Variants in PEX5 observed in about 807,000 individuals in gnomAD.
PEX5 encodes PTS1 receptor.
A neutral mutation model predicts 82.9 loss-of-function variants in PEX5; 52 were observed. The observed-to-expected ratio is 0.63, with a 90% confidence interval of 0.50 to 0.79. The LOEUF (loss-of-function observed/expected upper bound fraction) is 0.79, where lower values mean the gene tolerates loss of function less well. Among genes scored for constraint, PEX5 ranks in the 30% least tolerant of loss-of-function variants. The pLI is 0.00. For missense variants in PEX5, 719 were observed against 815.2 expected (o/e 0.88, Z 1.44); for synonymous variants, 300 against 318.8 (o/e 0.94, Z 0.63).
At position 7,189,901 on chromosome 12, in the gene PEX5, G is replaced by A. The variant is rs146875386; in HGVS notation, c.-17+151G>A. 1,578 of 1,418,742 alleles carry A rather than the reference G, an allele frequency of 1.1e-3. 38 individuals are homozygous for A. In the East Asian group the frequency reaches 0.038, roughly 34 times the overall value. The allele number at this position is 1,418,742 out of a possible 1,614,324, so 87.9% of individuals were successfully genotyped here. ...AGCGCGGGAGGGACCGGGCCGAGCC[G>A]GGGGAAGGGCTCCGGTGACTTAAGG... On this transcript the variant is annotated intron_variant, in intron 1 of 15. Transcript: ENST00000675855.
intron 10 of PEX5, among the ~76,000 whole-genome samples, chr12:7,206,402 T>C (rs1241554193): frequency 6.6e-6 from 1 of 152,278 alleles, no homozygotes; most frequent in Non-Finnish European, 1.5e-5. Flanking sequence ...AGGTGAGTAG[T>C]TGCAGCAGAT....
intron 5 of PEX5, among the ~76,000 whole-genome samples, chr12:7,192,850 C>G (rs1290889951): frequency 2.0e-5 from 3 of 152,184 alleles, no homozygotes; most frequent in Non-Finnish European, 4.4e-5. Flanking sequence ...TTCTTCTTAC[C>G]CGAAGCCTAT....
intron 1 of PEX5, chr12:7,190,008 CCTT>C (rs1565667909): frequency 1.3e-6 from 2 of 1,504,368 alleles, no homozygotes; most frequent in South Asian, 1.3e-5. Flanking sequence ...TCCCACTGTC[CCTT>C]CTTCGGGCAG....
Position 7,209,806 on chromosome 12 carries a change from C to G in PEX5, c.1684C>G (p.Leu562Val), listed in dbSNP as rs1945310790. ...QPGYIRSRYN[L>V]GISCINLGAH... ...TGGCTATATCCGGTCCCGCTATAACCTGGGCATCAGCTGCATCAACCTCGG... is the reference window on the plus strand; with the variant it reads ...TGGCTATATCCGGTCCCGCTATAACGTGGGCATCAGCTGCATCAACCTCGG... Residue 562 changes from leucine to valine, a missense_variant, in exon 15 of 16, where the codon CTG becomes GTG. Physicochemically the swap from Leu to Val is conservative, Grantham distance 32. Transcript: ENST00000675855. 1 of 1,614,224 alleles carries G rather than the reference C, an allele frequency of 6.2e-7. No homozygotes were observed.
chr12:7,197,295 A>G (rs1364448065), intron 5 of PEX5, among the ~76,000 whole-genome samples: 2 of 138,004 alleles, frequency 1.4e-5, no homozygotes, highest in African/African-American at 5.4e-5. Context: ...ATAATTATAT[A>G]TGTCATATAT....
chr12:7,217,698 C>A (rs560211716), intron 17 of PEX5, among the ~76,000 whole-genome samples: 21 of 152,266 alleles, frequency 1.4e-4, no homozygotes, highest in Non-Finnish European at 2.4e-4. Flanking sequence ...GGCCGCCTGT[C>A]CCTGTGGAGA....
In PEX5 at chr12:7,202,238, C is replaced by T. The variant is rs1404908163; in HGVS notation, c.643-3C>T. The T allele has an allele frequency of 6.2e-7, 1 of 1,614,050 alleles. No individual in the cohort carries two copies. The highest frequency in any genetic ancestry group is 2.2e-5 in the East Asian group (1 of 44,858). On this transcript the variant is annotated splice_polypyrimidine_tract_variant and splice_region_variant and intron_variant, in intron 7 of 15. Coordinates refer to ENST00000675855, the MANE Select transcript of PEX5 (RefSeq NM_001351132.2). ...GTGGCCTGTGTGTGTCTCTGTGCCC[C>T]AGTTCCTGAAATTCGTGCGGCAGAT...
rs759013152 is a variant in PEX5 at position 7,208,443 on chromosome 12, C to T, written c.1182-14C>T. Reference sequence around the variant, plus strand: ...CATTGCAGATATCAAGTCTGCCCATCCCTGATCAAACAGGTGTCTGGAGCT... The same window carrying T: ...CATTGCAGATATCAAGTCTGCCCATTCCTGATCAAACAGGTGTCTGGAGCT... On this transcript the variant is annotated splice_polypyrimidine_tract_variant and intron_variant, in intron 12 of 15. Coordinates refer to ENST00000675855, the MANE Select transcript of PEX5 (RefSeq NM_001351132.2). 1.3e-6 allele frequency: 2 copies of T among 1,598,202 alleles called. No individual in the cohort carries two copies. Among genetic ancestry groups the T allele is most frequent in the African/African-American group, 1.3e-5 (1 of 74,740 alleles).
chr12:7,189,793 GCC>G, intron 1 of PEX5, 43 bp downstream of exon 1: 1 of 625,302 alleles, frequency 1.6e-6, no homozygotes, highest in Non-Finnish European at 2.3e-6. Flanking sequence ...GCGTCCCTGG[GCC>G]CTCCCCACCC....
rs1263496447 is a variant in PEX5 at position 7,209,144 on chromosome 12, A to G, written c.1534A>G (p.Thr512Ala). The G allele has an allele frequency of 6.2e-7, 1 of 1,613,856 alleles. No individual in the cohort carries two copies. Among genetic ancestry groups the G allele is most frequent in the East Asian group, 2.2e-5 (1 of 44,876 alleles). ...GTATGACAAGGCCGTGGACTGCTTCACAGCTGCCCTCAGCGTTCGTCCCAA... is the reference window on the plus strand; with the variant it reads ...GTATGACAAGGCCGTGGACTGCTTCGCAGCTGCCCTCAGCGTTCGTCCCAA... ...GEYDKAVDCF[T>A]AALSVRPNDY... The change falls in exon 14 of 16, where the codon ACA becomes GCA. Residue 512 changes from threonine (T) to alanine (A), a missense_variant. Transcript: ENST00000675855.
intron 1 of PEX5, 82 bp from the exon 2 acceptor site, chr12:7,190,280 C>A: frequency 1.3e-6 from 2 of 1,595,202 alleles, no homozygotes; most frequent in Admixed American, 3.3e-5. Flanking sequence ...GCCTGTGTGC[C>A]TTCCTCAGAT....
intron 1 of PEX5, 187 bp from the exon 2 acceptor site, chr12:7,190,175 C>T (rs978004147): frequency 1.9e-5 from 29 of 1,504,764 alleles, no homozygotes; most frequent in African/African-American, 2.8e-5. Flanking sequence ...TTGAGGGGGG[C>T]GGCAGGAGAG....
At chr12:7,200,133 C>T (rs1186878216) in intron 6 of PEX5, among the ~76,000 whole-genome samples, 3 of 149,448 alleles carry the variant, frequency 2.0e-5, no homozygotes, top group East Asian at 2.0e-4. Context: ...ACTTCCCAGA[C>T]GGGGCGGCTG....
chr12:7,202,092 T>C (rs1429571005), intron 7 of PEX5, 149 bp from the exon 8 acceptor site: 2 of 1,263,060 alleles, frequency 1.6e-6, no homozygotes, highest in Non-Finnish European at 1.1e-6. Context: ...TTCTTTTTGC[T>C]CTCTACCTCT....
Position 7,199,128 on chromosome 12 carries a change from C to T in PEX5, c.551+15C>T, listed in dbSNP as rs886049825. The T allele has an allele frequency of 1.5e-5, 22 of 1,452,294 alleles. No individual in the cohort carries two copies. Among genetic ancestry groups the T allele is most frequent in the Non-Finnish European group, 2.0e-5 (21 of 1,045,972 alleles). 90.0% of individuals were successfully genotyped at this position (1,452,294 alleles called of 1,614,324 possible). On this transcript the variant is annotated intron_variant, in intron 6 of 15. Coordinates refer to ENST00000675855, the MANE Select transcript of PEX5 (RefSeq NM_001351132.2). ...ACCGATCGCTGGTGAGTTCAGATAC[C>T]TCTTTCCGAATCCCGTGAAAGGAGT... is the stretch of plus-strand genomic sequence containing the variant.
intron 5 of PEX5, among the ~76,000 whole-genome samples, chr12:7,197,541 A>AT (rs763954171): frequency 0.17 from 17,936 of 105,806 alleles, 2,814 homozygotes; most frequent in African/African-American, 0.23. Context: ...TAATGTAATT[A>AT]TATATGTTAT....
rs1185201026 is a variant in PEX5, at chr12:7,218,222, T to C, written c.*20-180T>C. ...TTTAAGAGTCCTTCCAGGATTCATATAGATGCTTAATGGTCTTTCTTATAT... is the reference window on the plus strand; with the variant it reads ...TTTAAGAGTCCTTCCAGGATTCATACAGATGCTTAATGGTCTTTCTTATAT... On this transcript the variant is annotated intron_variant, in intron 17 of 17. Coordinates refer to the PEX5 transcript ENST00000455147. Among the ~76,000 whole-genome samples the C allele has an allele frequency of 1.3e-5, 2 of 152,206 alleles. 1 individual carries two copies. Among genetic ancestry groups the C allele is most frequent in the African/African-American group, 4.8e-5 (2 of 41,452 alleles).
downstream of PEX5, among the ~76,000 whole-genome samples, chr12:7,216,263 C>T (rs776372899): frequency 1.2e-4 from 18 of 152,296 alleles, no homozygotes; most frequent in South Asian, 2.1e-4. Flanking sequence ...CCACCGTGCC[C>T]GGCCCAAATT....
chr12:7,204,436 A>T (rs779612964), intron 10 of PEX5, among the ~76,000 whole-genome samples: 1 of 152,310 alleles, frequency 6.6e-6, no homozygotes, highest in South Asian at 2.1e-4. Flanking sequence ...AAAAGGCTAG[A>T]GTTTGAGAGC....
Sources: allele counts gnomAD v4.1 joint callset (sites outside exome capture counted in the v4.1 genomes callset), GRCh38; gene constraint gnomAD v4.1.1; transcripts MANE v1.5; gene names NCBI Gene and HGNC (gene_info 2026-07-23, HGNC 2026-07-21).